GPHN: variants seen among roughly 807,000 people sequenced by gnomAD.
GPHN encodes gephyrin.
In GPHN, 17 loss-of-function variants were observed where a neutral mutation model predicts 95.5. The observed-to-expected ratio is 0.18, with a 90% CI of 0.12 to 0.27. The LOEUF (loss-of-function observed/expected upper bound fraction) is 0.27. GPHN is among the 10% of genes least tolerant of loss of function. The probability of loss-of-function intolerance (pLI) is 1.00; values close to 1 mark genes in which losing one functional copy is unlikely to be tolerated. For synonymous variants in GPHN, 320 were observed against 322.5 expected (o/e 0.99, Z 0.08); for missense variants, 660 against 978.1 (o/e 0.67, Z 4.34).
At chr14:67,494,198 A>G in the GPHN span, among the ~76,000 whole-genome samples, 1 of 152,224 alleles carries the variant, frequency 6.6e-6, no homozygotes, top group Non-Finnish European at 1.5e-5. Context: ...AGGCAAGAGT[A>G]ATTAAAGGGA....
At chr14:66,594,690 A>G (rs2061899493) in intron 1 of GPHN, among the ~76,000 whole-genome samples, 1 of 152,212 alleles carries the variant, frequency 6.6e-6, no homozygotes, top group Admixed American at 6.5e-5. Context: ...AAATGCTTAA[A>G]TGTAAGACCT....
chr14:67,702,255 C>T, the GPHN span, among the ~76,000 whole-genome samples: 41 of 152,116 alleles, frequency 2.7e-4, no homozygotes, highest in African/African-American at 8.2e-4. Flanking sequence ...ACACATGAGC[C>T]ACCATGCCTG....
At chr14:67,603,970 C>G in the GPHN span, among the ~76,000 whole-genome samples, 1 of 152,114 alleles carries the variant, frequency 6.6e-6, no homozygotes, top group South Asian at 2.1e-4. Flanking sequence ...CGTGAGCCAC[C>G]GCTCCCAGCC....
the GPHN span, chr14:67,198,982 G>C: frequency 1.4e-6 from 1 of 704,006 alleles, no homozygotes; most frequent in African/African-American, 1.7e-5. Context: ...AAGCTGCTCA[G>C]CTGATTTCAC....
At chr14:66,953,641 G>T (rs1306182272) in intron 8 of GPHN, among the ~76,000 whole-genome samples, 1 of 152,182 alleles carries the variant, frequency 6.6e-6, no homozygotes, top group Non-Finnish European at 1.5e-5. Context: ...AAAGTTAGGA[G>T]TGCTTATTTC....
the GPHN span, among the ~76,000 whole-genome samples, chr14:67,410,184 G>A: frequency 6.6e-6 from 1 of 152,096 alleles, no homozygotes; most frequent in African/African-American, 2.4e-5. Context: ...CTGTGGCTCT[G>A]CCCTTAGCCC....
chr14:66,566,388 T>A (rs775909995), intron 1 of GPHN, among the ~76,000 whole-genome samples: 11 of 152,214 alleles, frequency 7.2e-5, no homozygotes, highest in Non-Finnish European at 1.6e-4. Flanking sequence ...TTTTGTTTTT[T>A]TTAATTTTGC....
chr14:66,558,584 C>A (rs2060101244), intron 1 of GPHN, among the ~76,000 whole-genome samples: 1 of 152,056 alleles, frequency 6.6e-6, no homozygotes, highest in South Asian at 2.1e-4. Flanking sequence ...TGTAATCCTA[C>A]TGTTAAAGGC....
chr14:66,740,540 G>T (rs2072712580), intron 2 of GPHN, among the ~76,000 whole-genome samples: 1 of 148,176 alleles, frequency 6.7e-6, no homozygotes. Flanking sequence ...TGAACATTTA[G>T]TACTTAAAAA....
At chr14:66,629,110 TAC>T (rs2063640987) in intron 1 of GPHN, among the ~76,000 whole-genome samples, 2 of 137,914 alleles carry the variant, frequency 1.5e-5, no homozygotes, top group African/African-American at 5.4e-5. Flanking sequence ...TATATTTATA[TAC>T]ATATATAAAT....
chr14:66,596,366 C>A (rs1325322078), intron 1 of GPHN, among the ~76,000 whole-genome samples: 1 of 152,080 alleles, frequency 6.6e-6, no homozygotes, highest in East Asian at 1.9e-4. Context: ...GGTACCTGCC[C>A]CTTTCCATCT....
chr14:67,313,913 A>G, the GPHN span, among the ~76,000 whole-genome samples: 1 of 152,034 alleles, frequency 6.6e-6, no homozygotes, highest in Non-Finnish European at 1.5e-5. Flanking sequence ...AAATCCAGAT[A>G]ATATATGTTA....
the GPHN span, chr14:67,652,719 T>A: frequency 6.6e-6 from 1 of 152,308 alleles, no homozygotes; most frequent in South Asian, 2.1e-4. Context: ...AGGAGCTGAC[T>A]CCCATGAAGG....
At chr14:67,635,985 G>A in the GPHN span, among the ~76,000 whole-genome samples, 1 of 152,136 alleles carries the variant, frequency 6.6e-6, no homozygotes. Flanking sequence ...TGAGGATGCA[G>A]AGTCTTTGTT....
chr14:66,999,049 A>G (rs1315292042), intron 9 of GPHN, among the ~76,000 whole-genome samples: 1 of 151,936 alleles, frequency 6.6e-6, no homozygotes, highest in Admixed American at 6.6e-5. Context: ...ATTGAGACGC[A>G]GAGAGGTTAA....
chr14:67,335,667 G>A, the GPHN span: 1 of 152,666 alleles, frequency 6.6e-6, no homozygotes, highest in African/African-American at 2.4e-5. Flanking sequence ...TATAAAGCAG[G>A]GATTTAGCCT....
At chr14:66,898,036 A>G (rs1201259209) in intron 5 of GPHN, among the ~76,000 whole-genome samples, 3 of 151,918 alleles carry the variant, frequency 2.0e-5, no homozygotes, top group Admixed American at 6.6e-5. Context: ...TGTTTTGCCT[A>G]TTGTCTGACT....
At chr14:66,843,712 GA>G (rs2062191435) in intron 4 of GPHN, among the ~76,000 whole-genome samples, 1 of 152,078 alleles carries the variant, frequency 6.6e-6, no homozygotes, top group Non-Finnish European at 1.5e-5. Context: ...TTAGAAATAG[GA>G]AAATGCTTTG....
chr14:66,686,875 T>C (rs2067399012), intron 2 of GPHN, among the ~76,000 whole-genome samples: 1 of 152,162 alleles, frequency 6.6e-6, no homozygotes, highest in East Asian at 1.9e-4. Flanking sequence ...CAGTATGATA[T>C]TGGCTGTGGG....
Sources: allele counts gnomAD v4.1 joint callset (sites outside exome capture counted in the v4.1 genomes callset), GRCh38; gene constraint gnomAD v4.1.1; transcripts MANE v1.5; gene names NCBI Gene and HGNC (gene_info 2026-07-23, HGNC 2026-07-21).